AGBL1: variants seen among roughly 807,000 people sequenced by gnomAD.
The protein encoded by AGBL1 is cytosolic carboxypeptidase 4.
AGBL1 carries 130 observed loss-of-function variants against 118.9 expected under a neutral mutation model. That is an observed-to-expected ratio of 1.09 (90% CI 0.95 to 1.26). AGBL1 has a LOEUF of 1.26. Among genes scored for constraint, AGBL1 ranks in the 50% most tolerant of loss-of-function variants. The pLI is 0.00. For synonymous variants in AGBL1, 555 were observed against 478.9 expected (o/e 1.16, Z -2.08); for missense variants, 1,584 against 1,298.1 (o/e 1.22, Z -3.38).
At chr15:86,141,542 T>G (rs545229507) in intron 1 of AGBL1, among the ~76,000 whole-genome samples, 1 of 152,206 alleles carries the variant, frequency 6.6e-6, no homozygotes, top group South Asian at 2.1e-4. Context: ...CCCCAGTTAC[T>G]TGGCAGGCTG....
intron 21 of AGBL1, among the ~76,000 whole-genome samples, chr15:86,644,908 G>C (rs1015281018): frequency 3.3e-5 from 5 of 150,920 alleles, no homozygotes; most frequent in African/African-American, 9.7e-5. Flanking sequence ...GTAGTCCCAG[G>C]TACTCGGGAG....
chr15:86,865,130 T>C (rs150956281), intron 22 of AGBL1, among the ~76,000 whole-genome samples: 2 of 152,280 alleles, frequency 1.3e-5, no homozygotes, highest in East Asian at 3.9e-4. Flanking sequence ...GAACGGTGAA[T>C]GAACACAACA....
intron 21 of AGBL1, among the ~76,000 whole-genome samples, chr15:86,607,092 T>C (rs1159824092): frequency 6.6e-6 from 1 of 152,236 alleles, no homozygotes; most frequent in African/African-American, 2.4e-5. Context: ...TTGGCTTCTT[T>C]CACTTAGCAA....
chr15:86,337,408 A>G (rs1368888805), intron 17 of AGBL1, among the ~76,000 whole-genome samples: 1 of 152,194 alleles, frequency 6.6e-6, no homozygotes, highest in Non-Finnish European at 1.5e-5. Flanking sequence ...CAGAATGTGT[A>G]TGTCCATTGC....
intron 22 of AGBL1, among the ~76,000 whole-genome samples, chr15:86,721,450 C>T (rs1269984552): frequency 2.0e-5 from 3 of 152,244 alleles, no homozygotes; most frequent in South Asian, 2.1e-4. Flanking sequence ...AATTCAACAA[C>T]GCTTCATGCT....
At chr15:86,950,737 C>T (rs562298235) in intron 23 of AGBL1, among the ~76,000 whole-genome samples, 5 of 151,790 alleles carry the variant, frequency 3.3e-5, no homozygotes, top group Non-Finnish European at 7.4e-5. Context: ...AGAAACACAG[C>T]TAATCCAATT....
chr15:86,774,135 A>G (rs1051794857), intron 22 of AGBL1, among the ~76,000 whole-genome samples: 3 of 152,096 alleles, frequency 2.0e-5, no homozygotes, highest in African/African-American at 7.2e-5. Flanking sequence ...GGGAGAAATT[A>G]GAGTGATGTG....
chr15:86,881,080 C>T (rs1181492134), intron 22 of AGBL1, among the ~76,000 whole-genome samples: 25 of 152,258 alleles, frequency 1.6e-4, no homozygotes, highest in Non-Finnish European at 7.4e-5. Context: ...GTGTGCATGG[C>T]GGGCAGTTCT....
intron 18 of AGBL1, among the ~76,000 whole-genome samples, chr15:86,439,198 G>C (rs1567260405): frequency 6.6e-6 from 1 of 152,070 alleles, no homozygotes; most frequent in African/African-American, 2.4e-5. Context: ...AGTGTCCCCA[G>C]TATTTAAGGG....
intron 21 of AGBL1, among the ~76,000 whole-genome samples, chr15:86,664,684 A>G (rs906269975): frequency 1.3e-5 from 2 of 152,206 alleles, no homozygotes; most frequent in African/African-American, 4.8e-5. Context: ...CAGGTAGTTC[A>G]TGGGAAGGAA....
At chr15:86,714,175 G>A (rs1459902619) in intron 22 of AGBL1, among the ~76,000 whole-genome samples, 3 of 152,156 alleles carry the variant, frequency 2.0e-5, no homozygotes, top group East Asian at 1.9e-4. Flanking sequence ...AATTAATTAT[G>A]AGGCAATGAT....
intron 17 of AGBL1, among the ~76,000 whole-genome samples, chr15:86,333,017 A>G (rs543036931): frequency 1.3e-5 from 2 of 152,266 alleles, no homozygotes; most frequent in South Asian, 2.1e-4. Flanking sequence ...CACATACCAA[A>G]ATCTTTGGTA....
At chr15:86,850,940 G>A (rs2079399702) in intron 22 of AGBL1, among the ~76,000 whole-genome samples, 1 of 152,088 alleles carries the variant, frequency 6.6e-6, no homozygotes, top group Non-Finnish European at 1.5e-5. Context: ...TTATTGCCAT[G>A]CCCATTTTAT....
intron 7 of AGBL1, among the ~76,000 whole-genome samples, chr15:86,256,449 C>T (rs1253459337): frequency 6.6e-6 from 1 of 152,200 alleles, no homozygotes; most frequent in Non-Finnish European, 1.5e-5. Context: ...TTCAGCTGCT[C>T]ATTGCCTAAC....
chr15:86,782,562 G>T (rs185024101), intron 22 of AGBL1, among the ~76,000 whole-genome samples: 383 of 152,246 alleles, frequency 2.5e-3, no homozygotes, highest in Non-Finnish European at 4.2e-3. Flanking sequence ...GATATGATGA[G>T]ACTGGTGGTT....
At position 86,207,018 on chromosome 15, in the gene AGBL1, T is replaced by C. The variant is rs2078005332; in HGVS notation, c.489-17896T>C. On this transcript the variant is annotated intron_variant, in intron 5 of 22. Coordinates refer to ENST00000614907, the MANE Select transcript of AGBL1 (RefSeq NM_001386094.1). ...TATAGGGAAGGGATCCAGTTTCAGC[T>C]TTGTACATATGGCTAGCCAGTTTTC... is the stretch of plus-strand genomic sequence containing the variant. 2.0e-5 allele frequency among the ~76,000 whole-genome samples: 3 copies of C among 152,224 alleles called. No individual in the cohort carries two copies. In the South Asian group the frequency reaches 6.2e-4, roughly 32 times the overall value.
At chr15:86,766,793 A>T (rs1244270060) in intron 22 of AGBL1, among the ~76,000 whole-genome samples, 1 of 151,912 alleles carries the variant, frequency 6.6e-6, no homozygotes, top group African/African-American at 2.4e-5. Context: ...TCCACAATGA[A>T]GGAAACAGGG....
chr15:86,494,381 A>C (rs969093635), intron 18 of AGBL1, among the ~76,000 whole-genome samples: 2 of 151,966 alleles, frequency 1.3e-5, no homozygotes, highest in East Asian at 3.9e-4. Context: ...AGAATTTTGT[A>C]GGTGGTTCTG....
intron 22 of AGBL1, among the ~76,000 whole-genome samples, chr15:86,822,300 T>A (rs1025384365): frequency 6.6e-6 from 1 of 152,166 alleles, no homozygotes; most frequent in Non-Finnish European, 1.5e-5. Context: ...TCCCCTGTTC[T>A]TCTCAGTTTC....
Sources: gnomAD v4.1 joint callset for allele counts (sites outside exome capture counted in the v4.1 genomes callset) on GRCh38, gnomAD v4.1.1 for gene constraint, MANE v1.5 for transcripts, NCBI Gene and HGNC (gene_info 2026-07-23, HGNC 2026-07-21) for gene names.